The following RASGRF1 variants were observed in gnomAD, a reference collection of about 807,000 sequenced individuals.
RASGRF1 encodes Ras protein specific guanine nucleotide releasing factor 1.
A neutral mutation model predicts 138.7 loss-of-function variants in RASGRF1; 40 were observed. That is an observed-to-expected ratio of 0.29 (90% CI 0.22 to 0.38). RASGRF1 has a LOEUF of 0.38. Ranked by LOEUF, RASGRF1 falls within the 10% of genes least tolerant of loss-of-function variation. RASGRF1 has a pLI of 1.00. For missense variants in RASGRF1, 1,108 were observed against 1,650.4 expected (o/e 0.67, Z 5.69); for synonymous variants, 614 against 663.2 (o/e 0.93, Z 1.14).
chr15:78,980,504 C>A, intron 24 of RASGRF1, 116 bp downstream of exon 24: 1 of 750,478 alleles, frequency 1.3e-6, no homozygotes, highest in Non-Finnish European at 2.2e-6. Context: ...TGTGGGTAGA[C>A]AGACGAACAG....
chr15:79,070,590 C>A lies in RASGRF1; in HGVS notation c.277-6064G>T, dbSNP rs148378967. On this transcript the variant is annotated intron_variant, in intron 1 of 26. Coordinates refer to ENST00000558480, the MANE Select transcript of RASGRF1 (RefSeq NM_001145648.3). ...TTGGTAATACTTGCTAGCTGTGTAACCTGGGGCCAGTCACTGAGGTTCTCA... is the reference window on the plus strand; with the variant it reads ...TTGGTAATACTTGCTAGCTGTGTAAACTGGGGCCAGTCACTGAGGTTCTCA... 1.1e-3 allele frequency among the ~76,000 whole-genome samples: 169 copies of A among 152,214 alleles called. 2 individuals are homozygous for A. Among genetic ancestry groups the A allele is most frequent in the African/African-American group, 4.0e-3 (167 of 41,526 alleles).
chr15:79,077,893 C>T (rs1007634582), intron 1 of RASGRF1, among the ~76,000 whole-genome samples: 1 of 117,960 alleles, frequency 8.5e-6, no homozygotes, highest in African/African-American at 3.2e-5. Context: ...TCATTGCCTC[C>T]TCTGAGAGAA....
Position 79,020,824 on chromosome 15 carries a change from A to G in RASGRF1, c.1543-720T>C, listed in dbSNP as rs559357167. Among the ~76,000 whole-genome samples, 36 of 152,316 alleles carry G rather than the reference A, an allele frequency of 2.4e-4. No homozygotes were observed. In the South Asian group the frequency reaches 5.8e-3, roughly 25 times the overall value. ...AATTCTTTCACATTTTTCTTTTCAA[A>G]AGGCAAAGCCTAATTCCCTTCCTCT... On this transcript the variant is annotated intron_variant, in intron 10 of 26. Transcript: ENST00000558480.
At chr15:79,022,828 C>T (rs1415884202) in intron 10 of RASGRF1, among the ~76,000 whole-genome samples, 2 of 152,180 alleles carry the variant, frequency 1.3e-5, no homozygotes, top group African/African-American at 4.8e-5. Context: ...AGGTTATGGG[C>T]CAGGCATCCA....
chr15:78,978,463 G>T, intron 24 of RASGRF1: 1 of 919,980 alleles, frequency 1.1e-6, no homozygotes, highest in Non-Finnish European at 1.3e-6. Flanking sequence ...GACCTCAAGT[G>T]ATCTGCCCAC....
intron 26 of RASGRF1, among the ~76,000 whole-genome samples, chr15:78,969,316 A>C (rs1415600821): frequency 6.6e-6 from 1 of 152,216 alleles, no homozygotes; most frequent in African/African-American, 2.4e-5. Context: ...CCTCCTGATT[A>C]GATTCAAACA....
At chr15:78,967,272 G>T (rs1018967849) in intron 26 of RASGRF1, among the ~76,000 whole-genome samples, 6 of 151,704 alleles carry the variant, frequency 4.0e-5, no homozygotes, top group African/African-American at 1.5e-4. Flanking sequence ...CAGGCCAGGT[G>T]CAGTGGCTCA....
intron 25 of RASGRF1, 127 bp from the exon 26 acceptor site, chr15:78,972,061 C>G (rs572666249): frequency 2.4e-6 from 2 of 821,150 alleles, no homozygotes; most frequent in East Asian, 4.9e-5. Flanking sequence ...CATGTTGCCT[C>G]CTGGAAGGTC....
At chr15:79,080,605 T>C (rs558533828) in intron 1 of RASGRF1, among the ~76,000 whole-genome samples, 1 of 152,334 alleles carries the variant, frequency 6.6e-6, no homozygotes, top group East Asian at 1.9e-4. Flanking sequence ...TACCAAAAAT[T>C]CATTCATTCT....
chr15:79,028,275 T>G (rs1165563820), intron 8 of RASGRF1, among the ~76,000 whole-genome samples: 3 of 152,240 alleles, frequency 2.0e-5, no homozygotes, highest in African/African-American at 4.8e-5. Flanking sequence ...CTTATTCCCA[T>G]CCCAAGAGCA....
At chr15:79,075,692 G>T (rs1387267138) in intron 1 of RASGRF1, among the ~76,000 whole-genome samples, 1 of 152,210 alleles carries the variant, frequency 6.6e-6, no homozygotes, top group Non-Finnish European at 1.5e-5. Flanking sequence ...TCCTGGGGGT[G>T]TGGCACTTTC....
intron 19 of RASGRF1, among the ~76,000 whole-genome samples, chr15:78,997,668 G>A (rs1166732049): frequency 5.3e-5 from 8 of 151,430 alleles, no homozygotes; most frequent in Non-Finnish European, 8.8e-5. Context: ...CCTGGGAGGT[G>A]GAGGTTACAG....
At chr15:79,059,164 C>T (rs1318052505) in intron 2 of RASGRF1, among the ~76,000 whole-genome samples, 1 of 151,196 alleles carries the variant, frequency 6.6e-6, no homozygotes, top group Non-Finnish European at 1.5e-5. Flanking sequence ...CTATCCTTCC[C>T]TTCCCTTCCC....
chr15:79,049,457 A>C, intron 4 of RASGRF1, 39 bp downstream of exon 4: 2 of 1,586,804 alleles, frequency 1.3e-6, no homozygotes, highest in Non-Finnish European at 1.7e-6. Context: ...CTCTAAAGAG[A>C]GAGCTCCAAA....
intron 1 of RASGRF1, among the ~76,000 whole-genome samples, chr15:79,077,845 G>A (rs1302689566): frequency 7.4e-6 from 1 of 135,170 alleles, no homozygotes; most frequent in African/African-American, 2.8e-5. Context: ...AATTCATCCC[G>A]CCTTTTGGGA....
chr15:78,970,825 CTTT>C (rs35845555), intron 26 of RASGRF1, among the ~76,000 whole-genome samples: 7 of 131,800 alleles, frequency 5.3e-5, no homozygotes, highest in Non-Finnish European at 4.8e-5. Flanking sequence ...CTAGCTGAGA[CTTT>C]TTTTTTTTTT....
At position 79,073,513 on chromosome 15, in the gene RASGRF1, G is replaced by A. The variant is rs943987101; in HGVS notation, c.277-8987C>T. Among the ~76,000 whole-genome samples, 8 of 152,156 alleles carry A rather than the reference G, an allele frequency of 5.3e-5. No individual in the cohort carries two copies. The highest frequency in any genetic ancestry group is 3.2e-3 in the Middle Eastern group (1 of 316). On this transcript the variant is annotated intron_variant, in intron 1 of 26. Coordinates refer to ENST00000558480, the MANE Select transcript of RASGRF1 (RefSeq NM_001145648.3). The surrounding 1 kb of genome is among the most constrained non-coding windows in gnomAD (Gnocchi z 4.2). ...GAGTCGGGGTTGTGAGAGACGAGAA[G>A]GGCAGGTGAGGAGGAGGTGTGAGGC...
intron 13 of RASGRF1, among the ~76,000 whole-genome samples, chr15:79,007,244 G>A (rs1356196889): frequency 6.6e-6 from 1 of 152,214 alleles, no homozygotes; most frequent in Non-Finnish European, 1.5e-5. Flanking sequence ...GTGAACTTGA[G>A]GTCAGCAGCC....
rs1024924065 is a variant in RASGRF1, at chr15:79,073,493, G to A, written c.277-8967C>T. ...AGCTATAAGGAGACCACCTGGAGTC[G>A]GGGTTGTGAGAGACGAGAAGGGCAG... On this transcript the variant is annotated intron_variant, in intron 1 of 26. Transcript: ENST00000558480. The surrounding 1 kb of genome is among the most constrained non-coding windows in gnomAD (Gnocchi z 4.2). Among the ~76,000 whole-genome samples the A allele has an allele frequency of 2.6e-5, 4 of 152,124 alleles. No homozygotes were observed. The highest frequency in any genetic ancestry group is 4.8e-5 in the African/African-American group (2 of 41,422).
Sources: allele counts gnomAD v4.1 joint callset (sites outside exome capture counted in the v4.1 genomes callset), GRCh38; gene constraint gnomAD v4.1.1; non-coding constraint Gnocchi (gnomAD v3.1); transcripts MANE v1.5; gene names NCBI Gene and HGNC (gene_info 2026-07-23, HGNC 2026-07-21).